The following CAMK1D variants were observed in gnomAD, a reference collection of about 807,000 sequenced individuals.
The protein encoded by CAMK1D is calcium/calmodulin-dependent protein kinase type 1D.
CAMK1D carries 9 observed loss-of-function variants against 47.7 expected under a neutral mutation model. The ratio of observed to expected loss-of-function variants is 0.19; its 90% confidence interval spans 0.11 to 0.33. CAMK1D has a LOEUF of 0.33. Ranked by LOEUF, CAMK1D falls within the 10% of genes least tolerant of loss-of-function variation. CAMK1D has a pLI of 1.00. For missense variants in CAMK1D, 291 were observed against 488.7 expected, an observed-to-expected ratio of 0.60 and a Z score of 3.81; for synonymous variants, 184 against 184.9, an observed-to-expected ratio of 0.99 and a Z score of 0.04.
chr10:12,540,463 A>T (rs574113745), intron 1 of CAMK1D, among the ~76,000 whole-genome samples: 1 of 152,314 alleles, frequency 6.6e-6, no homozygotes, highest in East Asian at 1.9e-4. Flanking sequence ...CTCATGTGGA[A>T]TTTATTTGTC....
intron 8 of CAMK1D, among the ~76,000 whole-genome samples, chr10:12,817,345 A>G (rs546470980): frequency 6.6e-6 from 1 of 152,370 alleles, no homozygotes; most frequent in East Asian, 1.9e-4. Context: ...CATTAGTTAA[A>G]TGAAGTTACA....
intron 3 of CAMK1D, among the ~76,000 whole-genome samples, chr10:12,720,617 CCAGTGGCTGGCA>C (rs1235674596): frequency 6.6e-6 from 1 of 152,238 alleles, no homozygotes; most frequent in Non-Finnish European, 1.5e-5. Context: ...TTGTCCCAAG[CCAGTGGCTGGCA>C]CAGTGCCCTG....
intron 1 of CAMK1D, among the ~76,000 whole-genome samples, chr10:12,495,629 T>C (rs77500568): frequency 3.3e-5 from 5 of 152,278 alleles, no homozygotes; most frequent in African/African-American, 1.2e-4. Flanking sequence ...CTTTGGAAAG[T>C]TGAGGAATAA....
intron 2 of CAMK1D, among the ~76,000 whole-genome samples, chr10:12,588,889 C>CGTGCGTGT (rs1554793285): frequency 1.4e-5 from 2 of 147,240 alleles, no homozygotes; most frequent in African/African-American, 5.3e-5. Context: ...TGTGTGCGTG[C>CGTGCGTGT]GTGTGTGTGT....
Position 12,834,008 on chromosome 10 carries a change from G to A in CAMK1D, c.*5121G>A, listed in dbSNP as rs1396660327. 1 of 151,940 alleles carries A rather than the reference G, an allele frequency of 6.6e-6. No individual in the cohort carries two copies. The highest frequency in any genetic ancestry group is 1.5e-5 in the Non-Finnish European group (1 of 67,996). The allele number at this position is 151,940 out of a possible 1,614,324, so 9.4% of individuals were successfully genotyped here. ...CTGGTCCTCGGTTGGGGCTGCAGGT[G>A]TGCCTGACATTTGCAAAAGATATTC... On this transcript the variant is annotated 3_prime_UTR_variant, in exon 11 of 11. Coordinates refer to ENST00000619168, the MANE Select transcript of CAMK1D (RefSeq NM_153498.4).
chr10:12,798,796 AAT>A (rs1432015937), intron 6 of CAMK1D, among the ~76,000 whole-genome samples: 1 of 152,192 alleles, frequency 6.6e-6, no homozygotes, highest in African/African-American at 2.4e-5. Flanking sequence ...GGATGGGGAA[AAT>A]ATAGTCTCTG....
chr10:12,731,490 G>A (rs1588859571), intron 3 of CAMK1D, among the ~76,000 whole-genome samples: 2 of 152,320 alleles, frequency 1.3e-5, no homozygotes, highest in South Asian at 2.1e-4. Flanking sequence ...CAGCATGATC[G>A]GGAGTTTAAA....
chr10:12,714,668 G>A (rs1156233724), intron 3 of CAMK1D, among the ~76,000 whole-genome samples: 3 of 151,790 alleles, frequency 2.0e-5, no homozygotes, highest in Non-Finnish European at 4.4e-5. Context: ...CCAGTGAGCC[G>A]AGATCACGCC....
At chr10:12,791,904 T>C (rs1244486820) in intron 6 of CAMK1D, among the ~76,000 whole-genome samples, 1 of 152,216 alleles carries the variant, frequency 6.6e-6, no homozygotes, top group Non-Finnish European at 1.5e-5. Flanking sequence ...CAGTTTTCTG[T>C]AGCAGCAGCA....
chr10:12,366,573 C>T (rs533691206), intron 1 of CAMK1D, among the ~76,000 whole-genome samples: 3 of 151,902 alleles, frequency 2.0e-5, no homozygotes, highest in South Asian at 4.2e-4. Flanking sequence ...GCAGGAGAAT[C>T]GCTTGAACCT....
At chr10:12,452,620 C>G (rs1833118295) in intron 1 of CAMK1D, among the ~76,000 whole-genome samples, 1 of 151,898 alleles carries the variant, frequency 6.6e-6, no homozygotes, top group African/African-American at 2.4e-5. Flanking sequence ...GAGTCTCACT[C>G]TGTCGCCCAG....
chr10:12,651,924 GC>G (rs1282111410), intron 2 of CAMK1D, among the ~76,000 whole-genome samples: 17 of 151,976 alleles, frequency 1.1e-4, no homozygotes, highest in Admixed American at 1.0e-3. Context: ...GACTACAGGT[GC>G]CCGCCACCAC....
chr10:12,554,944 C>G (rs1564409063), intron 2 of CAMK1D, among the ~76,000 whole-genome samples: 1 of 152,150 alleles, frequency 6.6e-6, no homozygotes, highest in African/African-American at 2.4e-5. Context: ...AGCCATTGCC[C>G]CGTCATCTCC....
At chr10:12,408,094 G>A (rs1337551582) in intron 1 of CAMK1D, among the ~76,000 whole-genome samples, 2 of 152,050 alleles carry the variant, frequency 1.3e-5, no homozygotes, top group South Asian at 2.1e-4. Context: ...CTCACCTCAC[G>A]TGATCCACCC....
chr10:12,457,593 C>A (rs1833291994), intron 1 of CAMK1D, among the ~76,000 whole-genome samples: 1 of 131,614 alleles, frequency 7.6e-6, no homozygotes. Flanking sequence ...TTATCCTGGC[C>A]AACATGGTGA....
intron 1 of CAMK1D, among the ~76,000 whole-genome samples, chr10:12,408,199 T>C (rs1338583704): frequency 6.7e-6 from 1 of 150,176 alleles, no homozygotes; most frequent in Admixed American, 6.7e-5. Flanking sequence ...TCTCGGTCTG[T>C]TGCCCAGCCT....
chr10:12,350,707 G>A (rs542997971), intron 1 of CAMK1D, among the ~76,000 whole-genome samples: 11 of 152,362 alleles, frequency 7.2e-5, no homozygotes, highest in African/African-American at 2.4e-4. Context: ...CCCAGGAGTT[G>A]GGTCTTGTTT....
intron 2 of CAMK1D, among the ~76,000 whole-genome samples, chr10:12,602,659 C>T (rs1377557874): frequency 1.3e-5 from 2 of 152,092 alleles, no homozygotes; most frequent in African/African-American, 4.8e-5. Flanking sequence ...AATATGTCAG[C>T]ATAAAAGGCG....
intron 3 of CAMK1D, among the ~76,000 whole-genome samples, chr10:12,716,741 T>G (rs1177768745): frequency 5.9e-5 from 9 of 152,178 alleles, no homozygotes; most frequent in Admixed American, 5.9e-4. Context: ...GGCTGAATTT[T>G]TTTTAACTAT....
Sources: gnomAD v4.1 joint callset for allele counts (sites outside exome capture counted in the v4.1 genomes callset) on GRCh38, gnomAD v4.1.1 for gene constraint, MANE v1.5 for transcripts, NCBI Gene and HGNC (gene_info 2026-07-23, HGNC 2026-07-21) for gene names.